ORC3: variants seen among roughly 807,000 people sequenced by gnomAD.
ORC3 encodes homolog of latheo, Drosophila.
Under a neutral mutation model 100.7 loss-of-function variants are expected in ORC3, and 78 were observed. That is an observed-to-expected ratio of 0.77 (90% confidence interval 0.65 to 0.94). The LOEUF is 0.94. Ranked by LOEUF, ORC3 falls within the 40% of genes least tolerant of loss-of-function variation. The pLI is 0.00. For synonymous variants in ORC3, 295 were observed against 289.3 expected, an observed-to-expected ratio of 1.02 and a Z score of -0.20; for missense variants, 789 against 823.9, an observed-to-expected ratio of 0.96 and a Z score of 0.52.
chr6:87,650,928 AC>A (rs11327471), intron 13 of ORC3: 38,581 of 321,748 alleles, frequency 0.12, 2,822 homozygotes, highest in African/African-American at 0.23. Context: ...AATCGCTTGG[AC>A]CTGGGAGGCA....
chr6:87,675,637 A>T, the ORC3 span: 69 of 1,612,620 alleles, frequency 4.3e-5, no homozygotes, highest in Non-Finnish European at 5.8e-5. Context: ...AAATTAGTGC[A>T]AAATACAGGT....
intron 7 of ORC3, 121 bp downstream of exon 7, chr6:87,609,350 T>A: frequency 1.5e-6 from 1 of 654,134 alleles, no homozygotes; most frequent in Non-Finnish European, 2.4e-6. Flanking sequence ...GTATTCAAAT[T>A]CTTTATAATT....
intron 8 of ORC3, among the ~76,000 whole-genome samples, chr6:87,612,993 A>G (rs180674828): frequency 1.3e-5 from 2 of 152,368 alleles, no homozygotes; most frequent in Admixed American, 6.5e-5. Flanking sequence ...TTGACAACAA[A>G]TACTAACATT....
chr6:87,612,369 C>A, intron 8 of ORC3, 121 bp downstream of exon 8: 1 of 502,672 alleles, frequency 2.0e-6, no homozygotes, highest in Non-Finnish European at 3.3e-6. Flanking sequence ...TGAACATATT[C>A]CTTCACATAC....
At chr6:87,618,454 T>C (rs1779315274) in intron 9 of ORC3, among the ~76,000 whole-genome samples, 1 of 152,108 alleles carries the variant, frequency 6.6e-6, no homozygotes, top group African/African-American at 2.4e-5. Context: ...CAAATTGTTA[T>C]TTGTTTAATG....
intron 2 of ORC3, among the ~76,000 whole-genome samples, chr6:87,598,434 T>G (rs1001291491): frequency 1.3e-5 from 2 of 152,228 alleles, no homozygotes; most frequent in Non-Finnish European, 2.9e-5. Context: ...ATAATGTTAG[T>G]AAATGATAGA....
chr6:87,591,274 T>C (rs574143817), intron 1 of ORC3, among the ~76,000 whole-genome samples: 1 of 152,332 alleles, frequency 6.6e-6, no homozygotes, highest in East Asian at 1.9e-4. Context: ...AGTTAAGCTG[T>C]CTGAGAAAGC....
At chr6:87,594,602 C>T in intron 2 of ORC3, 195 bp downstream of exon 2, 2 of 1,236,042 alleles carry the variant, frequency 1.6e-6, no homozygotes, top group African/African-American at 1.5e-5. Context: ...AATCCAATTA[C>T]ACCTTCCAAA....
At chr6:87,661,853 C>T (rs925325999) in intron 16 of ORC3, among the ~76,000 whole-genome samples, 2 of 152,158 alleles carry the variant, frequency 1.3e-5, no homozygotes, top group African/African-American at 4.8e-5. Flanking sequence ...AGCTTCTCCC[C>T]TCCAATTTGC....
rs2307368 is a variant in ORC3 at position 87,590,167 on chromosome 6, C to G, written c.-2C>G. 22,088 of 1,613,964 alleles carry G rather than the reference C, an allele frequency of 0.014. 195 individuals carry two copies. Among genetic ancestry groups the G allele is most frequent in the Non-Finnish European group, 0.016 (18,641 of 1,179,782 alleles). On this transcript the variant is annotated 5_prime_UTR_variant, in exon 1 of 20. Transcript: ENST00000392844. ...TCTGGAATACGCAGAGTCAGTAAGA[C>G]CATGGCTACGTCCTCGATGTCTAAG... is the stretch of plus-strand genomic sequence containing the variant.
At chr6:87,618,790 C>A (rs529597874) in intron 9 of ORC3, among the ~76,000 whole-genome samples, 1 of 151,090 alleles carries the variant, frequency 6.6e-6, no homozygotes, top group Admixed American at 6.6e-5. Flanking sequence ...TTTTTTCTTA[C>A]TTGACTTGAA....
At chr6:87,624,883 C>T (rs536181201) in intron 11 of ORC3, among the ~76,000 whole-genome samples, 3 of 152,224 alleles carry the variant, frequency 2.0e-5, no homozygotes, top group South Asian at 4.1e-4. Context: ...TGTGATGTTC[C>T]CCACCCTGTG....
intron 14 of ORC3, among the ~76,000 whole-genome samples, chr6:87,656,106 G>T (rs1014309045): frequency 6.6e-6 from 1 of 152,108 alleles, no homozygotes; most frequent in African/African-American, 2.4e-5. Context: ...GTACATTTAA[G>T]CAGTTATGGT....
chr6:87,612,314 G>C, intron 8 of ORC3, 66 bp downstream of exon 8: 3 of 1,102,706 alleles, frequency 2.7e-6, no homozygotes, highest in Non-Finnish European at 3.9e-6. Context: ...AGATTGTTAA[G>C]ATAACTGTTA....
chr6:87,651,338 G>A (rs532499606), intron 13 of ORC3: 5 of 455,490 alleles, frequency 1.1e-5, no homozygotes, highest in East Asian at 7.0e-5. Context: ...AGTCAGTGCC[G>A]GTGATTCCTT....
chr6:87,651,384 G>A lies in ORC3; in HGVS notation c.1383-1732G>A, dbSNP rs563527401. The A allele has an allele frequency of 6.8e-4, 300 of 439,790 alleles. 1 individual carries two copies. Among genetic ancestry groups the A allele is most frequent in the South Asian group, 4.6e-3 (290 of 62,670 alleles). 27.2% of individuals were successfully genotyped at this position (439,790 alleles called of 1,614,324 possible). A position where few individuals can be genotyped will look rare whatever the true frequency, so the allele number is the denominator to read the frequency against. ...AATGCTAATCTTGTCTATTTGAATA[G>A]GCCTAAAGGTCAGGTTTAACAGATT... On this transcript the variant is annotated intron_variant, in intron 13 of 19. Coordinates refer to ENST00000392844, the MANE Select transcript of ORC3 (RefSeq NM_012381.4).
At chr6:87,639,171 C>G (rs1770724694) in intron 13 of ORC3, among the ~76,000 whole-genome samples, 1 of 152,066 alleles carries the variant, frequency 6.6e-6, no homozygotes, top group African/African-American at 2.4e-5. Flanking sequence ...ATCCAAAATG[C>G]AGAACACTTC....
At chr6:87,605,545 G>T (rs912481785) in intron 4 of ORC3, among the ~76,000 whole-genome samples, 1 of 152,032 alleles carries the variant, frequency 6.6e-6, no homozygotes, top group Non-Finnish European at 1.5e-5. Context: ...AGCTACTCAG[G>T]AGGCTGAGGC....
chr6:87,600,437 A>G (rs1439138204), intron 2 of ORC3, among the ~76,000 whole-genome samples: 1 of 152,250 alleles, frequency 6.6e-6, no homozygotes, highest in South Asian at 2.1e-4. Context: ...GTCAAATACC[A>G]GTACAACTAG....
Sources: allele counts gnomAD v4.1 joint callset (sites outside exome capture counted in the v4.1 genomes callset), GRCh38; gene constraint gnomAD v4.1.1; transcripts MANE v1.5; gene names NCBI Gene and HGNC (gene_info 2026-07-23, HGNC 2026-07-21).